The following GRIN3A variants were observed in gnomAD, a reference collection of about 807,000 sequenced individuals.
GRIN3A encodes glutamate receptor ionotropic, NMDA 3A.
A neutral mutation model predicts 92.4 loss-of-function variants in GRIN3A; 47 were observed. The observed-to-expected ratio is 0.51, with a 90% CI of 0.40 to 0.65. The LOEUF (loss-of-function observed/expected upper bound fraction) is 0.65, where lower values mean the gene tolerates loss of function less well. Among genes scored for constraint, GRIN3A ranks in the 30% least tolerant of loss-of-function variants. The probability of loss-of-function intolerance (pLI) is 0.00; values close to 1 mark genes in which losing one functional copy is unlikely to be tolerated. For synonymous variants in GRIN3A, 527 were observed against 540.6 expected (o/e 0.97, Z 0.35); for missense variants, 1,324 against 1,393.1 (o/e 0.95, Z 0.79).
chr9:101,599,542 G>A (rs908656325), intron 6 of GRIN3A, among the ~76,000 whole-genome samples: 67 of 152,166 alleles, frequency 4.4e-4, no homozygotes, highest in African/African-American at 1.4e-3. Flanking sequence ...GTTCATCACT[G>A]TGGATTGATG....
In GRIN3A at chr9:101,579,095, T is replaced by C; in HGVS notation, c.2931+101A>G. 3 of 1,209,146 alleles carry C rather than the reference T, an allele frequency of 2.5e-6. No homozygotes were observed. The East Asian group carries it at 7.0e-5, about 28-fold the overall frequency. The allele number at this position is 1,209,146 out of a possible 1,614,324, so 74.9% of individuals were successfully genotyped here. On this transcript the variant is annotated intron_variant, in intron 7 of 8. Transcript: ENST00000361820. ...AGTGCCTACCCCACCCTCGTTATTG[T>C]GGTAACATAACTTAGTAGTCTGACA...
Position 101,577,843 on chromosome 9 carries a change from C to G in GRIN3A, c.2933G>C (p.Arg978Thr). 6.2e-7 allele frequency: 1 copy of G among 1,609,120 alleles called. No homozygotes were observed. The highest frequency in any genetic ancestry group is 1.1e-5 in the South Asian group (1 of 91,008). Residue 978 changes from arginine to threonine, a missense_variant and splice_region_variant, in exon 8 of 9, where the codon AGA becomes ACA. Transcript: ENST00000361820. ...TGATGTATTTATTGCTCTGTGTAAT[C>G]TCTGATGGAGAAAACAGATTCACAG... The part of the protein sequence containing the change: ...KLQYWLHTSQ[R>T]LHRAINTSFI...
intron 5 of GRIN3A, among the ~76,000 whole-genome samples, chr9:101,618,306 G>A (rs1402637927): frequency 6.6e-6 from 1 of 151,514 alleles, no homozygotes; most frequent in Non-Finnish European, 1.5e-5. Context: ...ATCTGACAAA[G>A]GGCTAATATC....
At chr9:101,588,201 A>T (rs1346409871) in intron 6 of GRIN3A, among the ~76,000 whole-genome samples, 1 of 152,200 alleles carries the variant, frequency 6.6e-6, no homozygotes, top group Admixed American at 6.5e-5. Flanking sequence ...AGAGGGAGAA[A>T]AAAGATTCAT....
At chr9:101,594,765 G>T in intron 6 of GRIN3A, 1 of 1,614,032 alleles carries the variant, frequency 6.2e-7, no homozygotes, top group Non-Finnish European at 8.5e-7. Flanking sequence ...CGCACCAACG[G>T]GTTGTGGCGC....
chr9:101,623,055 C>T (rs1828579712), intron 5 of GRIN3A, among the ~76,000 whole-genome samples: 2 of 150,824 alleles, frequency 1.3e-5, no homozygotes, highest in South Asian at 2.1e-4. Flanking sequence ...TTACACTGTG[C>T]CACCACTCCC....
chr9:101,707,197 C>T (rs982259120), intron 1 of GRIN3A, among the ~76,000 whole-genome samples: 2 of 152,132 alleles, frequency 1.3e-5, no homozygotes, highest in African/African-American at 2.4e-5. Context: ...TAGCAGTATG[C>T]ACAATAGTCT....
intron 1 of GRIN3A, among the ~76,000 whole-genome samples, chr9:101,693,097 GCACAGCTACTAA>G (rs1439084495): frequency 1.3e-5 from 2 of 151,882 alleles, no homozygotes; most frequent in South Asian, 4.2e-4. Context: ...TCCCAAGGTG[GCACAGCTACTAA>G]GAAATAGAGC....
chr9:101,610,658 T>A (rs1182974278), intron 6 of GRIN3A, among the ~76,000 whole-genome samples: 1 of 152,122 alleles, frequency 6.6e-6, no homozygotes, highest in Admixed American at 6.5e-5. Flanking sequence ...CCTTATCATC[T>A]AGATGTCTAT....
chr9:101,696,905 T>C (rs1198250512), intron 1 of GRIN3A, among the ~76,000 whole-genome samples: 2 of 151,876 alleles, frequency 1.3e-5, no homozygotes, highest in African/African-American at 4.9e-5. Flanking sequence ...TTTCTCTCAA[T>C]TCCATACTCT....
chr9:101,672,603 C>A (rs999715265), intron 2 of GRIN3A, among the ~76,000 whole-genome samples: 1 of 151,948 alleles, frequency 6.6e-6, no homozygotes, highest in Non-Finnish European at 1.5e-5. Flanking sequence ...TTTACAAATA[C>A]AAATAGAAGA....
intron 1 of GRIN3A, among the ~76,000 whole-genome samples, chr9:101,729,892 C>T (rs1444853871): frequency 6.6e-6 from 1 of 152,056 alleles, no homozygotes; most frequent in African/African-American, 2.4e-5. Flanking sequence ...TTCTAAAGAC[C>T]TATGCAGCAG....
chr9:101,590,980 C>T (rs544100732), intron 6 of GRIN3A, among the ~76,000 whole-genome samples: 1 of 152,242 alleles, frequency 6.6e-6, no homozygotes, highest in African/African-American at 2.4e-5. Flanking sequence ...ATTGAATTTG[C>T]TGAGGCCATA....
intron 3 of GRIN3A, among the ~76,000 whole-genome samples, chr9:101,641,973 T>C (rs558638713): frequency 3.5e-4 from 54 of 152,138 alleles, no homozygotes; most frequent in African/African-American, 1.2e-3. Flanking sequence ...AAAAAGTAAC[T>C]AAAAAGTTGA....
At chr9:101,607,567 G>A (rs1175562797) in intron 6 of GRIN3A, among the ~76,000 whole-genome samples, 1 of 152,196 alleles carries the variant, frequency 6.6e-6, no homozygotes, top group African/African-American at 2.4e-5. Flanking sequence ...GGGAGAAGGA[G>A]GAGGGCCGTG....
chr9:101,713,716 T>G (rs755956360), intron 1 of GRIN3A, among the ~76,000 whole-genome samples: 1 of 152,170 alleles, frequency 6.6e-6, no homozygotes, highest in African/African-American at 2.4e-5. Context: ...GCCTATTGGT[T>G]GGTAAACAGA....
chr9:101,672,161 T>G (rs1489700842), intron 2 of GRIN3A, among the ~76,000 whole-genome samples: 1 of 152,108 alleles, frequency 6.6e-6, no homozygotes, highest in Non-Finnish European at 1.5e-5. Flanking sequence ...CCTGCTAACA[T>G]GGCCCTTGAA....
intron 6 of GRIN3A, among the ~76,000 whole-genome samples, chr9:101,590,837 A>T (rs1452884945): frequency 6.6e-6 from 1 of 152,216 alleles, no homozygotes; most frequent in Non-Finnish European, 1.5e-5. Context: ...TAAATAAAAA[A>T]TTGTCTTCAT....
chr9:101,676,212 T>G (rs1014534645), intron 2 of GRIN3A, among the ~76,000 whole-genome samples: 2 of 151,950 alleles, frequency 1.3e-5, no homozygotes, highest in African/African-American at 4.8e-5. Context: ...TTATAGACCA[T>G]ATATTTATTT....
Sources: allele counts gnomAD v4.1 joint callset (sites outside exome capture counted in the v4.1 genomes callset), GRCh38; gene constraint gnomAD v4.1.1; transcripts MANE v1.5; gene names NCBI Gene and HGNC (gene_info 2026-07-23, HGNC 2026-07-21).